Variants in CAST observed in about 807,000 individuals in gnomAD.
CAST encodes the protein calpastatin, also known as MIR583 host.
CAST carries 76 observed loss-of-function variants against 119.6 expected under a neutral mutation model. That is an observed-to-expected ratio of 0.64 (90% CI 0.53 to 0.77). CAST has a LOEUF of 0.77. CAST is among the 30% of genes least tolerant of loss of function. The pLI, the probability that CAST is intolerant of heterozygous loss-of-function variation, is 0.00. For missense variants in CAST, 953 were observed against 946.5 expected (o/e 1.01, Z -0.09); for synonymous variants, 319 against 331.6 (o/e 0.96, Z 0.41).
At chr5:96,169,615 G>A in the CAST span, among the ~76,000 whole-genome samples, 10 of 152,010 alleles carry the variant, frequency 6.6e-5, no homozygotes, top group Non-Finnish European at 8.8e-5. Context: ...CTTTTAAAGC[G>A]TGCTGTGGGA....
rs544088039 is a variant in CAST at position 96,733,807 on chromosome 5, G to A, written c.631-2365G>A. On this transcript the variant is annotated intron_variant, in intron 9 of 31. Coordinates refer to ENST00000675179, the MANE Select transcript of CAST (RefSeq NM_001750.7). ...CAGGAGAATTGCTTGAACCCGGGAG[G>A]CAGAGGTTGCGGTGAGCCAAGATCG... Among the ~76,000 whole-genome samples the A allele has an allele frequency of 2.0e-5, 3 of 152,292 alleles. No homozygotes were observed. In the East Asian group the frequency reaches 5.8e-4, roughly 29 times the overall value.
intron 3 of CAST, among the ~76,000 whole-genome samples, chr5:96,712,958 T>C (rs1265908046): frequency 8.5e-5 from 13 of 152,272 alleles, no homozygotes; most frequent in African/African-American, 3.1e-4. Flanking sequence ...GTTAGAGACA[T>C]TTTGAGTCTC....
the CAST span, among the ~76,000 whole-genome samples, chr5:96,023,834 A>C: frequency 2.2e-4 from 34 of 152,112 alleles, no homozygotes; most frequent in South Asian, 5.6e-3. Flanking sequence ...TGATAGATGA[A>C]ATTTTTTGTT....
the CAST span, among the ~76,000 whole-genome samples, chr5:96,361,583 AG>A: frequency 6.6e-6 from 1 of 152,088 alleles, no homozygotes; most frequent in African/African-American, 2.4e-5. Context: ...TGGCTAGGGG[AG>A]GGAGTTCCCT....
rs534368579 is a variant in CAST at position 96,578,512 on chromosome 5, CTTTTA to C, written c.60+48635_60+48639del. The stretch of plus-strand genomic sequence containing the variant: ...TCCTTGTTTCATTTCCTCTGTTTAT[CTTTTA>C]TTATCTTCCTATGGGTTACTTCAGA... On this transcript the variant is annotated intron_variant, in intron 1 of 11. Transcript: ENST00000505143. 3.1e-3 allele frequency among the ~76,000 whole-genome samples: 465 copies of C among 151,750 alleles called. 1 individual carries two copies. The highest frequency in any genetic ancestry group is 0.011 in the African/African-American group (450 of 41,408).
chr5:96,403,621 C>T, the CAST span, among the ~76,000 whole-genome samples: 1 of 152,110 alleles, frequency 6.6e-6, no homozygotes, highest in Non-Finnish European at 1.5e-5. Context: ...GATATGTTTA[C>T]AGAAAATAAG....
chr5:96,253,175 C>T, the CAST span, among the ~76,000 whole-genome samples: 1 of 152,018 alleles, frequency 6.6e-6, no homozygotes, highest in Non-Finnish European at 1.5e-5. Flanking sequence ...GTGGTGGTTG[C>T]TAGCTTTCTT....
chr5:96,459,005 A>T, the CAST span, among the ~76,000 whole-genome samples: 1 of 152,262 alleles, frequency 6.6e-6, no homozygotes, highest in East Asian at 1.9e-4. Flanking sequence ...GATGGTTTGA[A>T]GGTAGAGACT....
the CAST span, among the ~76,000 whole-genome samples, chr5:96,313,216 A>G: frequency 1.3e-5 from 2 of 152,182 alleles, no homozygotes; most frequent in Non-Finnish European, 2.9e-5. Context: ...TTTATATACA[A>G]TAAAATTCAC....
At chr5:96,051,711 C>T in the CAST span, among the ~76,000 whole-genome samples, 14 of 152,064 alleles carry the variant, frequency 9.2e-5, no homozygotes, top group Non-Finnish European at 1.8e-4. Flanking sequence ...TGCCAGAAAT[C>T]GACCACCCCT....
the CAST span, among the ~76,000 whole-genome samples, chr5:96,058,449 C>T: frequency 1.3e-5 from 2 of 152,072 alleles, no homozygotes; most frequent in African/African-American, 4.8e-5. Context: ...GGTGTGGAAA[C>T]CAAGGGTCCT....
chr5:96,035,227 A>G, the CAST span, among the ~76,000 whole-genome samples: 8 of 147,038 alleles, frequency 5.4e-5, 1 homozygote, highest in Non-Finnish European at 7.5e-5. Context: ...GTATATATAT[A>G]TACTTCAAAA....
intron 1 of CAST, among the ~76,000 whole-genome samples, chr5:96,622,554 C>T (rs1747633037): frequency 6.6e-6 from 1 of 152,072 alleles, no homozygotes; most frequent in Admixed American, 6.5e-5. Flanking sequence ...ATCACTATAG[C>T]TGAAGATCTT....
the CAST span, among the ~76,000 whole-genome samples, chr5:96,035,065 T>A: frequency 4.2e-3 from 303 of 71,858 alleles, 1 homozygote; most frequent in African/African-American, 0.014. Flanking sequence ...ATATATATAT[T>A]TAAGTATATA....
Position 96,741,596 on chromosome 5 carries a change from A to G in CAST, c.1098+16A>G, listed in dbSNP as rs750352083. On this transcript the variant is annotated intron_variant, in intron 15 of 31. Coordinates refer to ENST00000675179, the MANE Select transcript of CAST (RefSeq NM_001750.7). Reference sequence around the variant, plus strand: ...GGTGGAGAAGGTATAGTCACAGTCTACCTGACAGCAGTTGCTTTCCAGAGC... The same window carrying G: ...GGTGGAGAAGGTATAGTCACAGTCTGCCTGACAGCAGTTGCTTTCCAGAGC... The G allele has an allele frequency of 1.3e-6, 2 of 1,573,640 alleles. No homozygotes were observed. The highest frequency in any genetic ancestry group is 1.7e-4 in the Middle Eastern group (1 of 5,896).
chr5:96,644,293 C>T (rs1747990837), intron 1 of CAST, among the ~76,000 whole-genome samples: 1 of 152,250 alleles, frequency 6.6e-6, no homozygotes, highest in African/African-American at 2.4e-5. Context: ...TCTCTTTACC[C>T]ATTTTATATT....
the CAST span, among the ~76,000 whole-genome samples, chr5:96,294,085 A>T: frequency 3.3e-5 from 5 of 152,240 alleles, no homozygotes; most frequent in African/African-American, 1.2e-4. Context: ...TGTAAGTTTC[A>T]TTCTATTCAA....
intron 17 of CAST, 88 bp downstream of exon 17, chr5:96,746,513 C>T (rs1581242045): frequency 1.2e-6 from 1 of 820,904 alleles, no homozygotes; most frequent in Non-Finnish European, 2.2e-6. Context: ...TGTCAAAGGA[C>T]ATGTCTGTCC....
At chr5:96,159,182 C>A in the CAST span, among the ~76,000 whole-genome samples, 1 of 152,166 alleles carries the variant, frequency 6.6e-6, no homozygotes, top group Non-Finnish European at 1.5e-5. Flanking sequence ...ATGTTCAGGA[C>A]TAAGCAGAGA....
Sources: gnomAD v4.1 joint callset for allele counts (sites outside exome capture counted in the v4.1 genomes callset) on GRCh38, gnomAD v4.1.1 for gene constraint, MANE v1.5 for transcripts, NCBI Gene and HGNC (gene_info 2026-07-23, HGNC 2026-07-21) for gene names.